TNRC18: variants seen among roughly 807,000 people sequenced by gnomAD.
TNRC18 encodes trinucleotide repeat-containing gene 18 protein.
Under a neutral mutation model 226.7 loss-of-function variants are expected in TNRC18, and 69 were observed. The observed-to-expected ratio is 0.30, with a 90% CI of 0.25 to 0.37. TNRC18 has a LOEUF of 0.37. TNRC18 is among the 10% of genes least tolerant of loss of function. TNRC18 has a pLI of 1.00. For synonymous variants in TNRC18, 2,449 were observed against 1,927.6 expected (o/e 1.27, Z -7.09); for missense variants, 4,754 against 4,256.6 (o/e 1.12, Z -3.25).
intron 17 of TNRC18, among the ~76,000 whole-genome samples, chr7:5,347,353 ATT>A (rs574068264): frequency 1.8e-4 from 25 of 135,602 alleles, no homozygotes; most frequent in African/African-American, 4.3e-4. Flanking sequence ...CACCAGGCTA[ATT>A]TTTTTTTTTT....
At chr7:5,319,352 CG>C (rs1562486858) in intron 24 of TNRC18, among the ~76,000 whole-genome samples, 1 of 151,872 alleles carries the variant, frequency 6.6e-6, no homozygotes. Context: ...TTTTTTTGCA[CG>C]GGCGGGGTTT....
intron 24 of TNRC18, 193 bp downstream of exon 24, chr7:5,320,125 C>G: frequency 1.7e-6 from 1 of 574,420 alleles, no homozygotes; most frequent in Non-Finnish European, 3.1e-6. Context: ...CTGACAGATA[C>G]TCAGAGCTGG....
At chr7:5,386,062 G>A (rs192952607) in intron 5 of TNRC18, among the ~76,000 whole-genome samples, 7 of 151,650 alleles carry the variant, frequency 4.6e-5, no homozygotes, top group South Asian at 2.1e-4. Context: ...CGAGGCGGGT[G>A]GATCACTTGA....
At chr7:5,402,178 C>CAAAAAAAA (rs35794476) in intron 2 of TNRC18, among the ~76,000 whole-genome samples, 4 of 71,330 alleles carry the variant, frequency 5.6e-5, no homozygotes, top group African/African-American at 1.3e-4. Flanking sequence ...GACTCTGTCT[C>CAAAAAAAA]AAAAAAAAAA....
At chr7:5,314,937 G>A (rs750454147) in intron 26 of TNRC18, 47 bp downstream of exon 26, 39 of 1,553,684 alleles carry the variant, frequency 2.5e-5, no homozygotes, top group East Asian at 4.7e-5. Flanking sequence ...TTGGATGCAC[G>A]AAGGAGATCC....
At chr7:5,411,174 C>T (rs1360584280) in intron 2 of TNRC18, among the ~76,000 whole-genome samples, 1 of 148,154 alleles carries the variant, frequency 6.7e-6, no homozygotes, top group East Asian at 2.0e-4. Context: ...TGAGATCGTG[C>T]CACTGCACTC....
At chr7:5,346,771 C>G (rs1257603186) in intron 17 of TNRC18, among the ~76,000 whole-genome samples, 2 of 152,256 alleles carry the variant, frequency 1.3e-5, no homozygotes, top group Non-Finnish European at 2.9e-5. Flanking sequence ...GGGTGACCCT[C>G]CCAGCCCACT....
chr7:5,318,539 C>T (rs1449351237), intron 24 of TNRC18, among the ~76,000 whole-genome samples: 1 of 152,000 alleles, frequency 6.6e-6, no homozygotes, highest in African/African-American at 2.4e-5. Flanking sequence ...AGTAGAGCTT[C>T]CAAGAATGAA....
At chr7:5,322,617 T>C (rs1013373565) in intron 21 of TNRC18, among the ~76,000 whole-genome samples, 2 of 152,204 alleles carry the variant, frequency 1.3e-5, no homozygotes, top group African/African-American at 4.8e-5. Context: ...CCATCCACTT[T>C]TTCTTTCTGG....
intron 5 of TNRC18, among the ~76,000 whole-genome samples, chr7:5,379,264 C>A (rs1433832195): frequency 6.6e-6 from 1 of 151,858 alleles, no homozygotes; most frequent in Non-Finnish European, 1.5e-5. Context: ...GTGGCATGCA[C>A]CGGTAGTCCC....
At chr7:5,399,677 G>A (rs1780944639) in intron 2 of TNRC18, among the ~76,000 whole-genome samples, 1 of 151,558 alleles carries the variant, frequency 6.6e-6, no homozygotes, top group African/African-American at 2.4e-5. Flanking sequence ...CTGCACTCCA[G>A]CCTGGGCAAC....
intron 4 of TNRC18, 124 bp from the exon 5 acceptor site, chr7:5,389,460 G>GGGTTTTTTT: frequency 1.9e-6 from 1 of 535,280 alleles, no homozygotes; most frequent in East Asian, 6.4e-5. Context: ...TTTTGGTTTT[G>GGGTTTTTTT]GTTTTTTTTT....
chr7:5,328,512 CT>C (rs144919082), intron 19 of TNRC18, among the ~76,000 whole-genome samples: 75,339 of 142,942 alleles, frequency 0.53, 20,700 homozygotes, highest in East Asian at 0.78. Context: ...CCGCCGCCGC[CT>C]TTTTTTTTTT....
chr7:5,416,105 C>CCG (rs1282135711), intron 2 of TNRC18, among the ~76,000 whole-genome samples: 413 of 127,330 alleles, frequency 3.2e-3, no homozygotes, highest in Middle Eastern at 0.028. Context: ...GAGCAAGACT[C>CCG]TCTCGCAAAA....
intron 17 of TNRC18, among the ~76,000 whole-genome samples, chr7:5,347,347 A>T (rs538035630): frequency 2.8e-5 from 4 of 145,264 alleles, no homozygotes; most frequent in Non-Finnish European, 4.5e-5. Context: ...CCACCACACC[A>T]GGCTAATTTT....
rs746756699 is a variant in TNRC18, at chr7:5,356,799, A to AGAGAGC, written c.5194+111_5194+116dup. 4.0e-5 allele frequency: 54 copies of AGAGAGC among 1,365,230 alleles called. 1 individual carries two copies. Among genetic ancestry groups the AGAGAGC allele is most frequent in the East Asian group, 1.8e-4 (7 of 39,642 alleles). The allele number at this position is 1,365,230 out of a possible 1,614,324, so 84.6% of individuals were successfully genotyped here. A position where few individuals can be genotyped will look rare whatever the true frequency, so the allele number is the denominator to read the frequency against. On this transcript the variant is annotated intron_variant, in intron 16 of 29. Coordinates refer to ENST00000430969, the MANE Select transcript of TNRC18 (RefSeq NM_001080495.3). ...TCAGGCACTGTAGTGCGCCCCAGAGAGAGAGCGAGAGCGAGAGAGAGAGTG... is the reference window on the plus strand; with the variant it reads ...TCAGGCACTGTAGTGCGCCCCAGAGAGAGAGCGAGAGCGAGAGCGAGAGAGAGAGTG...
chr7:5,412,519 T>C (rs1182070059), intron 2 of TNRC18, among the ~76,000 whole-genome samples: 1 of 151,970 alleles, frequency 6.6e-6, no homozygotes, highest in African/African-American at 2.4e-5. Flanking sequence ...GAGGTTGCAG[T>C]GGGCTGAGAT....
Position 5,389,078 on chromosome 7 carries a change from C to CCCTCGGCG in TNRC18, c.738_745dup (p.Gly249AlafsTer36). ...GCGCGGGGGCCCCCGGTCCTGGCGG[C>CCCTCGGCG]CCTCGGCGCGCGCCTCCTGGGTCAG... On this transcript the variant is annotated frameshift_variant, in exon 5 of 30. Transcript: ENST00000430969. LOFTEE classifies it high-confidence loss of function. The CCCTCGGCG allele has an allele frequency of 7.8e-7, 1 of 1,280,864 alleles. No individual in the cohort carries two copies. Among genetic ancestry groups the CCCTCGGCG allele is most frequent in the East Asian group, 3.7e-5 (1 of 26,672 alleles). 79.3% of individuals were successfully genotyped at this position (1,280,864 alleles called of 1,614,324 possible). A position where few individuals can be genotyped will look rare whatever the true frequency, so the allele number is the denominator to read the frequency against.
At chr7:5,343,023 C>T (rs545912119) in intron 18 of TNRC18, among the ~76,000 whole-genome samples, 4 of 152,268 alleles carry the variant, frequency 2.6e-5, no homozygotes, top group East Asian at 3.9e-4. Flanking sequence ...TTTGGCAATA[C>T]ACTATTTTTA....
Sources: gnomAD v4.1 joint callset for allele counts (sites outside exome capture counted in the v4.1 genomes callset) on GRCh38, gnomAD v4.1.1 for gene constraint, MANE v1.5 for transcripts, NCBI Gene and HGNC (gene_info 2026-07-23, HGNC 2026-07-21) for gene names.